The following BIN1 variants were observed in gnomAD, a reference collection of about 807,000 sequenced individuals.
BIN1 encodes bridging integrator 1, also known as myc box-dependent-interacting protein 1.
BIN1 carries 53 observed loss-of-function variants against 82.0 expected under a neutral mutation model. The ratio of observed to expected loss-of-function variants is 0.65; its 90% CI spans 0.52 to 0.81. BIN1 has a LOEUF of 0.81. Among genes scored for constraint, BIN1 ranks in the 40% least tolerant of loss-of-function variants. BIN1 has a pLI of 0.00. For synonymous variants in BIN1, 302 were observed against 328.0 expected, an observed-to-expected ratio of 0.92 and a Z score of 0.86; for missense variants, 642 against 784.4, an observed-to-expected ratio of 0.82 and a Z score of 2.17.
chr2:127,073,960 G>A (rs1686257153), intron 2 of BIN1, among the ~76,000 whole-genome samples: 1 of 152,152 alleles, frequency 6.6e-6, no homozygotes, highest in Non-Finnish European at 1.5e-5. Context: ...CGCCAGGTGG[G>A]CCCAGGAGGG....
rs1685673496 is a variant in BIN1 at position 127,070,031 on chromosome 2, G to A, written c.375C>T (p.Thr125=). Residue 125 remains threonine (T), a synonymous_variant, in exon 5 of 19, where the codon ACC becomes ACT. Transcript: ENST00000316724. ...GGAACTGGCCCAGGTACGTGTCCAT[G>A]GTCAGCAGCGCCTGGTCCACCAGCT... ...HQKLVDQALL[T]MDTYLGQFPD... The A allele has an allele frequency of 6.2e-7, 1 of 1,614,026 alleles. No homozygotes were observed.
chr2:127,085,755 G>A (rs1407211393), intron 1 of BIN1, among the ~76,000 whole-genome samples: 1 of 152,204 alleles, frequency 6.6e-6, no homozygotes, highest in Admixed American at 6.5e-5. Flanking sequence ...CTCCGAAAGG[G>A]GGAGCTGAGC....
Position 127,048,109 on chromosome 2 carries a change from T to C in BIN1, c.*417A>G, listed in dbSNP as rs1682403753. The C allele has an allele frequency of 7.3e-6, 2 of 274,278 alleles. No individual in the cohort carries two copies. Among genetic ancestry groups the C allele is most frequent in the African/African-American group, 4.4e-5 (2 of 45,608 alleles). 17.0% of individuals were successfully genotyped at this position (274,278 alleles called of 1,614,324 possible). On this transcript the variant is annotated 3_prime_UTR_variant, in exon 19 of 19. Coordinates refer to ENST00000316724, the MANE Select transcript of BIN1 (RefSeq NM_139343.3). ...TTATTTTCAAACAGCACACAGACCG[T>C]CTGCGGGGCAGAGCCAGGCTAGGCT...
rs1411891814 is a variant in BIN1, at chr2:127,099,992, G to A, written c.84+6868C>T. Among the ~76,000 whole-genome samples, 10 of 151,890 alleles carry A rather than the reference G, an allele frequency of 6.6e-5. 1 individual carries two copies. Among genetic ancestry groups the A allele is most frequent in the Admixed American group, 5.3e-4 (8 of 15,238 alleles). On this transcript the variant is annotated intron_variant, in intron 1 of 18. Coordinates refer to ENST00000316724, the MANE Select transcript of BIN1 (RefSeq NM_139343.3). ...TAATTTTTGTATTTTTAGTAGAGACGGGGTTTCACCATGTTGGCCAGCTGT... is the reference window on the plus strand; with the variant it reads ...TAATTTTTGTATTTTTAGTAGAGACAGGGTTTCACCATGTTGGCCAGCTGT...
At chr2:127,095,403 C>A (rs905988437) in intron 1 of BIN1, among the ~76,000 whole-genome samples, 7 of 152,180 alleles carry the variant, frequency 4.6e-5, no homozygotes, top group Admixed American at 1.3e-4. Flanking sequence ...ACTGGTGGAT[C>A]CCGGAGTATG....
At chr2:127,063,260 T>G (rs1354693048) in intron 9 of BIN1, among the ~76,000 whole-genome samples, 1 of 152,198 alleles carries the variant, frequency 6.6e-6, no homozygotes, top group East Asian at 1.9e-4. Context: ...TGTCTAACAC[T>G]GCACTCCCTG....
At chr2:127,094,973 G>A (rs1412577262) in intron 1 of BIN1, among the ~76,000 whole-genome samples, 1 of 152,224 alleles carries the variant, frequency 6.6e-6, no homozygotes, top group Admixed American at 6.5e-5. Flanking sequence ...GGAGAACAGG[G>A]TGGGCGGGTC....
chr2:127,048,515 G>C lies in BIN1; in HGVS notation c.*11C>G. On this transcript the variant is annotated 3_prime_UTR_variant, in exon 19 of 19. Transcript: ENST00000316724. ...TTCTTCACACGCCCGGAGGCTGCCTGGGCCCCGCCGTCATGGGACCCTCTC... is the reference window on the plus strand; with the variant it reads ...TTCTTCACACGCCCGGAGGCTGCCTCGGCCCCGCCGTCATGGGACCCTCTC... 1 of 1,613,302 alleles carries C rather than the reference G, an allele frequency of 6.2e-7. No individual in the cohort carries two copies. Among genetic ancestry groups the C allele is most frequent in the Non-Finnish European group, 8.5e-7 (1 of 1,179,558 alleles).
Position 127,064,026 on chromosome 2 carries a change from G to A in BIN1, c.613-8C>T. 1.2e-6 allele frequency: 2 copies of A among 1,613,738 alleles called. No homozygotes were observed. Among genetic ancestry groups the A allele is most frequent in the Non-Finnish European group, 8.5e-7 (1 of 1,179,970 alleles). ...GATGAGCTCCTCCTCGGCCTGGGGGGCAGCACGGGTCATTCCCCTCTGTTG... is the reference window on the plus strand; with the variant it reads ...GATGAGCTCCTCCTCGGCCTGGGGGACAGCACGGGTCATTCCCCTCTGTTG... On this transcript the variant is annotated splice_region_variant and splice_polypyrimidine_tract_variant and intron_variant, in intron 7 of 18. Coordinates refer to ENST00000316724, the MANE Select transcript of BIN1 (RefSeq NM_139343.3).
intron 7 of BIN1, among the ~76,000 whole-genome samples, chr2:127,066,734 C>A (rs935813813): frequency 6.6e-6 from 1 of 152,228 alleles, no homozygotes. Flanking sequence ...TCTCCAAAGT[C>A]AGCCTTGGCC....
Position 127,051,180 on chromosome 2 carries a change from C to G in BIN1, c.1435G>C (p.Glu479Gln), listed in dbSNP as rs865803817. The G allele has an allele frequency of 1.2e-6, 2 of 1,613,430 alleles. No individual in the cohort carries two copies. Among genetic ancestry groups the G allele is most frequent in the African/African-American group, 1.3e-5 (1 of 74,916 alleles). The change falls in exon 16 of 19, where the codon GAG becomes CAG. Residue 479 changes from glutamate (E) to glutamine (Q), a missense_variant. Coordinates refer to ENST00000316724, the MANE Select transcript of BIN1 (RefSeq NM_139343.3). ...QPAAGAQEPG[E>Q]TAASEAASSS... ...GAGGCTGCTTCACTTGCCGCCGTCT[C>G]CCCTGGCTCCTGGGCTCCAGCCGCA...
chr2:127,059,275 T>A lies in BIN1; in HGVS notation c.858-120A>T, dbSNP rs1243688949. On this transcript the variant is annotated intron_variant, in intron 10 of 18. Coordinates refer to ENST00000316724, the MANE Select transcript of BIN1 (RefSeq NM_139343.3). The surrounding 1 kb of genome is among the most constrained non-coding windows in gnomAD (Gnocchi z 6.7). The stretch of plus-strand genomic sequence containing the variant: ...GTGCATATGGAGGTGTGAAACTGTG[T>A]GTGTGTGTGTGTGTGTGTATGTGAG... 2 of 936,748 alleles carry A rather than the reference T, an allele frequency of 2.1e-6. No individual in the cohort carries two copies. The highest frequency in any genetic ancestry group is 3.1e-6 in the Non-Finnish European group (2 of 639,850). 58.0% of individuals were successfully genotyped at this position (936,748 alleles called of 1,614,324 possible).
intron 1 of BIN1, among the ~76,000 whole-genome samples, chr2:127,078,867 C>G (rs1057109210): frequency 3.3e-5 from 5 of 152,004 alleles, no homozygotes; most frequent in African/African-American, 9.7e-5. Flanking sequence ...AGCCCCACCC[C>G]CTCCAAAGAG....
intron 1 of BIN1, among the ~76,000 whole-genome samples, chr2:127,092,076 C>T (rs1679007721): frequency 6.6e-6 from 1 of 151,898 alleles, no homozygotes; most frequent in African/African-American, 2.4e-5. Flanking sequence ...TCCGCCTGGC[C>T]CCTACCCCAC....
chr2:127,098,446 G>A (rs1438438308), intron 1 of BIN1, among the ~76,000 whole-genome samples: 2 of 152,142 alleles, frequency 1.3e-5, no homozygotes, highest in Non-Finnish European at 2.9e-5. Flanking sequence ...CAGCAGTGGG[G>A]GCTGGGCATA....
At position 127,082,871 on chromosome 2, in the gene BIN1, A is replaced by G. The variant is rs1266036839; in HGVS notation, c.85-6165T>C. On this transcript the variant is annotated intron_variant, in intron 1 of 18. Transcript: ENST00000316724. This position sits in a 1 kb window ranked among gnomAD's most constrained non-coding sequence, Gnocchi z 6.1. The stretch of plus-strand genomic sequence containing the variant: ...CAATCTAGGTGCCATGCAGGAGGCC[A>G]CAGCAGCCCTGACGAGAGAGCAGAG... Among the ~76,000 whole-genome samples, 1 of 151,598 alleles carries G rather than the reference A, an allele frequency of 6.6e-6. No individual in the cohort carries two copies. The highest frequency in any genetic ancestry group is 1.5e-5 in the Non-Finnish European group (1 of 67,890).
chr2:127,050,055 G>A (rs1447532477), intron 18 of BIN1, among the ~76,000 whole-genome samples: 1 of 152,222 alleles, frequency 6.6e-6, no homozygotes, highest in Non-Finnish European at 1.5e-5. Flanking sequence ...CAAGCATCCT[G>A]TCCCAGGAGG....
At chr2:127,083,227 A>C (rs1454159797) in intron 1 of BIN1, among the ~76,000 whole-genome samples, 1 of 151,990 alleles carries the variant, frequency 6.6e-6, no homozygotes, top group Non-Finnish European at 1.5e-5. Context: ...CTGGGACTAC[A>C]GGCCACTGCA....
At position 127,075,417 on chromosome 2, in the gene BIN1, A is replaced by G. The variant is rs566629901; in HGVS notation, c.165+1209T>C. Among the ~76,000 whole-genome samples, 25 of 152,274 alleles carry G rather than the reference A, an allele frequency of 1.6e-4. No homozygotes were observed. The South Asian group carries it at 5.2e-3, about 32-fold the overall frequency. ...GACCAGGTTTCTTGTTCAAGCCTCT[A>G]TTCTGCAGGTGAGGAAACTGAGGCC... On this transcript the variant is annotated intron_variant, in intron 2 of 18. Coordinates refer to ENST00000316724, the MANE Select transcript of BIN1 (RefSeq NM_139343.3).
Sources: gnomAD v4.1 joint callset for allele counts (sites outside exome capture counted in the v4.1 genomes callset) on GRCh38, gnomAD v4.1.1 for gene constraint, Gnocchi (gnomAD v3.1) non-coding constraint, MANE v1.5 for transcripts, NCBI Gene and HGNC (gene_info 2026-07-23, HGNC 2026-07-21) for gene names.